ADD2: variants seen among roughly 807,000 people sequenced by gnomAD.
ADD2 encodes adducin 2, also known as beta-adducin.
Under a neutral mutation model 83.0 loss-of-function variants are expected in ADD2, and 23 were observed. That is an observed-to-expected ratio of 0.28 (90% CI 0.20 to 0.39). The LOEUF is 0.39. Ranked by LOEUF, ADD2 falls within the 10% of genes least tolerant of loss-of-function variation. The pLI is 1.00. For synonymous variants in ADD2, 375 were observed against 375.4 expected, an observed-to-expected ratio of 1.00 and a Z score of 0.01; for missense variants, 758 against 944.9, an observed-to-expected ratio of 0.80 and a Z score of 2.59.
At chr2:70,720,260 A>G (rs1672670849) in intron 1 of ADD2, among the ~76,000 whole-genome samples, 1 of 152,026 alleles carries the variant, frequency 6.6e-6, no homozygotes, top group African/African-American at 2.4e-5. Flanking sequence ...GGTGTGGAGG[A>G]GGGGAAGGAG....
At chr2:70,766,219 T>C (rs1675372340) in intron 1 of ADD2, among the ~76,000 whole-genome samples, 1 of 152,220 alleles carries the variant, frequency 6.6e-6, no homozygotes, top group Non-Finnish European at 1.5e-5. Context: ...GATCAAAGAA[T>C]AATTTATCTT....
At chr2:70,757,445 G>A (rs1553384065) in intron 1 of ADD2, among the ~76,000 whole-genome samples, 1 of 152,184 alleles carries the variant, frequency 6.6e-6, no homozygotes, top group East Asian at 1.9e-4. Flanking sequence ...TGAAATAAGA[G>A]AGAGGAAGTC....
intron 1 of ADD2, among the ~76,000 whole-genome samples, chr2:70,713,460 A>C (rs1233257399): frequency 6.6e-6 from 1 of 152,146 alleles, no homozygotes; most frequent in East Asian, 1.9e-4. Context: ...AAAATACAAA[A>C]ATTAGCTGGG....
intron 6 of ADD2, among the ~76,000 whole-genome samples, chr2:70,693,747 A>C (rs782364746): frequency 1.2e-4 from 18 of 152,100 alleles, no homozygotes; most frequent in Non-Finnish European, 2.1e-4. Flanking sequence ...ACTTCCTCAG[A>C]CATGTGGCCT....
chr2:70,695,875 C>T (rs1671280070), intron 5 of ADD2, 74 bp from the exon 6 acceptor site: 1 of 1,306,314 alleles, frequency 7.7e-7, no homozygotes, highest in South Asian at 1.3e-5. Context: ...GCTTGAATCC[C>T]CTCTTCCCCT....
chr2:70,713,414 C>A (rs1672299780), intron 1 of ADD2, among the ~76,000 whole-genome samples: 1 of 152,138 alleles, frequency 6.6e-6, no homozygotes, highest in Admixed American at 6.5e-5. Context: ...AGATCGGGAC[C>A]ATCCAGGCCA....
chr2:70,722,187 C>T (rs1350823738), intron 1 of ADD2, among the ~76,000 whole-genome samples: 1 of 152,098 alleles, frequency 6.6e-6, no homozygotes, highest in Non-Finnish European at 1.5e-5. Context: ...CTGAGAGATC[C>T]AAGCCCAGGT....
chr2:70,670,127 TAAATC>T, intron 15 of ADD2, among the ~76,000 whole-genome samples: 1 of 152,208 alleles, frequency 6.6e-6, no homozygotes, highest in East Asian at 1.9e-4. Flanking sequence ...TACCATGACT[TAAATC>T]AAATATTATT....
At chr2:70,714,186 C>T (rs1672344651) in intron 1 of ADD2, among the ~76,000 whole-genome samples, 1 of 152,152 alleles carries the variant, frequency 6.6e-6, no homozygotes, top group African/African-American at 2.4e-5. Context: ...CAAGTAATGA[C>T]AAGTGATCAT....
At chr2:70,732,696 T>C (rs1673348390) in intron 1 of ADD2, among the ~76,000 whole-genome samples, 2 of 152,108 alleles carry the variant, frequency 1.3e-5, no homozygotes, top group African/African-American at 4.8e-5. Context: ...TGCCTCTACA[T>C]AAAGAACTCG....
chr2:70,732,324 C>A (rs1189842615), intron 1 of ADD2, among the ~76,000 whole-genome samples: 1 of 152,208 alleles, frequency 6.6e-6, no homozygotes, highest in Non-Finnish European at 1.5e-5. Context: ...GATGCATGCA[C>A]CTTGCTGAAT....
chr2:70,684,538 C>T (rs552372215), intron 9 of ADD2, among the ~76,000 whole-genome samples: 17 of 152,324 alleles, frequency 1.1e-4, no homozygotes, highest in African/African-American at 3.8e-4. Flanking sequence ...CATGAACCAC[C>T]ATTGCTGACC....
chr2:70,690,228 CT>C (rs1670958597), intron 8 of ADD2, among the ~76,000 whole-genome samples: 1 of 152,134 alleles, frequency 6.6e-6, no homozygotes, highest in East Asian at 1.9e-4. Flanking sequence ...TCCTGAGTAG[CT>C]GGGACCACAG....
intron 1 of ADD2, among the ~76,000 whole-genome samples, chr2:70,739,633 A>G (rs1467058540): frequency 6.6e-6 from 1 of 152,256 alleles, no homozygotes; most frequent in African/African-American, 2.4e-5. Flanking sequence ...ATGCCCATCA[A>G]TGGCAGACTG....
At position 70,763,700 on chromosome 2, in the gene ADD2, A is replaced by G. The variant is rs531330001; in HGVS notation, c.-154+4186T>C. ...AATAGGTAAGTCTTTCACATGTAAC[A>G]ACTCATTCTTATAATATCACCATGC... On this transcript the variant is annotated intron_variant, in intron 1 of 15. Coordinates refer to ENST00000264436, the MANE Select transcript of ADD2 (RefSeq NM_001617.4). Among the ~76,000 whole-genome samples the G allele has an allele frequency of 1.1e-4, 17 of 151,976 alleles. 1 individual carries two copies. The highest frequency in any genetic ancestry group is 1.9e-4 in the Non-Finnish European group (13 of 68,044).
intron 1 of ADD2, among the ~76,000 whole-genome samples, chr2:70,737,297 T>A (rs1356962758): frequency 1.3e-5 from 2 of 152,126 alleles, no homozygotes; most frequent in Admixed American, 1.3e-4. Flanking sequence ...GTGGCACTAT[T>A]CACAATAGCA....
rs1553364302 is a variant in ADD2 at position 70,657,401 on chromosome 2, T to A, written c.*6024A>T. ...AGGCGATCTCAGGCTCTGGACCGTATGTTCTCCCCCACCTGGCCTCTTCCC... is the reference window on the plus strand; with the variant it reads ...AGGCGATCTCAGGCTCTGGACCGTAAGTTCTCCCCCACCTGGCCTCTTCCC... On this transcript the variant is annotated 3_prime_UTR_variant, in exon 16 of 16. Coordinates refer to ENST00000264436, the MANE Select transcript of ADD2 (RefSeq NM_001617.4). 1 of 152,194 alleles carries A rather than the reference T, an allele frequency of 6.6e-6. No homozygotes were observed. The highest frequency in any genetic ancestry group is 2.4e-5 in the African/African-American group (1 of 41,432). The allele number at this position is 152,194 out of a possible 1,614,324, so 9.4% of individuals were successfully genotyped here. A position where few individuals can be genotyped will look rare whatever the true frequency, so the allele number is the denominator to read the frequency against.
At chr2:70,708,256 AG>A (rs1553374878) in intron 2 of ADD2, among the ~76,000 whole-genome samples, 2 of 152,138 alleles carry the variant, frequency 1.3e-5, no homozygotes, top group African/African-American at 4.8e-5. Flanking sequence ...AGTTCGTTCA[AG>A]GGAAGGCGCA....
At chr2:70,669,825 G>A (rs369633309) in intron 15 of ADD2, among the ~76,000 whole-genome samples, 209 of 152,288 alleles carry the variant, frequency 1.4e-3, no homozygotes, top group African/African-American at 4.7e-3. Flanking sequence ...TAGAGAGGCC[G>A]CATGGGTGGG....
Sources: gnomAD v4.1 joint callset for allele counts (sites outside exome capture counted in the v4.1 genomes callset) on GRCh38, gnomAD v4.1.1 for gene constraint, MANE v1.5 for transcripts, NCBI Gene and HGNC (gene_info 2026-07-23, HGNC 2026-07-21) for gene names.